Variants in TXNRD3 observed in about 807,000 individuals in gnomAD.
TXNRD3 encodes the protein TXNRD3 neighbor gene protein.
TXNRD3 carries 68 observed loss-of-function variants against 78.2 expected under a neutral mutation model. The ratio of observed to expected loss-of-function variants is 0.87; its 90% CI spans 0.72 to 1.06. TXNRD3 has a LOEUF of 1.06. TXNRD3 is among the 50% of genes least tolerant of loss of function. The probability of loss-of-function intolerance (pLI) is 0.00; values close to 1 mark genes in which losing one functional copy is unlikely to be tolerated. For missense variants in TXNRD3, 751 were observed against 809.5 expected (o/e 0.93, Z 0.88); for synonymous variants, 296 against 300.1 (o/e 0.99, Z 0.14).
chr3:126,638,194 C>T (rs1304814660), intron 6 of TXNRD3, among the ~76,000 whole-genome samples: 1 of 152,110 alleles, frequency 6.6e-6, no homozygotes, highest in Non-Finnish European at 1.5e-5. Context: ...CCGCCCGCCT[C>T]GGTCTCCCAA....
At position 126,611,037 on chromosome 3, in the gene TXNRD3, A is replaced by C; in HGVS notation, c.1728T>G (p.His576Gln). 6.7e-7 allele frequency: 1 copy of C among 1,499,046 alleles called. No individual in the cohort carries two copies. Among genetic ancestry groups the C allele is most frequent in the Non-Finnish European group, 8.9e-7 (1 of 1,125,124 alleles). 92.9% of individuals were successfully genotyped at this position (1,499,046 alleles called of 1,614,324 possible). ...TTTGGCTTCTAGTGGTATTACATAC[A>C]TGGTCGAATTTATTGCAGATTATCT... Residue 576 changes from histidine (H) to glutamine (Q), a missense_variant and splice_region_variant, in exon 14 of 16, where the codon CAT becomes CAG. Coordinates refer to ENST00000524230, the MANE Select transcript of TXNRD3 (RefSeq NM_052883.3).
chr3:126,642,594 GC>G (rs1047865252), intron 5 of TXNRD3, among the ~76,000 whole-genome samples: 9 of 152,202 alleles, frequency 5.9e-5, no homozygotes, highest in Non-Finnish European at 1.3e-4. Context: ...AAAACGGAGT[GC>G]CCCTTTGCAG....
chr3:126,652,474 G>T (rs768236879), intron 1 of TXNRD3, among the ~76,000 whole-genome samples: 10 of 152,206 alleles, frequency 6.6e-5, no homozygotes, highest in African/African-American at 2.2e-4. Context: ...AAATCTGACC[G>T]ATTTTCTACA....
intron 10 of TXNRD3, among the ~76,000 whole-genome samples, chr3:126,623,666 C>A (rs4021851): frequency 6.6e-6 from 1 of 151,776 alleles, no homozygotes; most frequent in Non-Finnish European, 1.5e-5. Context: ...TTAAAATCTT[C>A]GGAATAAAAG....
At chr3:126,643,882 G>T in intron 5 of TXNRD3, 99 bp downstream of exon 5, 2 of 1,178,304 alleles carry the variant, frequency 1.7e-6, no homozygotes, top group African/African-American at 1.5e-5. Context: ...AAACAGGCGA[G>T]TTATACCTCT....
At chr3:126,637,941 T>C (rs1289877658) in intron 6 of TXNRD3, among the ~76,000 whole-genome samples, 25 of 111,240 alleles carry the variant, frequency 2.2e-4, no homozygotes, top group Non-Finnish European at 3.4e-4. Context: ...TCTTTTTTTT[T>C]TTTTTTTTTT....
chr3:126,652,111 C>T (rs1157160333), intron 1 of TXNRD3, among the ~76,000 whole-genome samples: 2 of 152,102 alleles, frequency 1.3e-5, no homozygotes, highest in Non-Finnish European at 2.9e-5. Flanking sequence ...GTTCTGTAGA[C>T]TCTACAGGAA....
intron 10 of TXNRD3, among the ~76,000 whole-genome samples, chr3:126,626,912 G>A (rs553559832): frequency 1.3e-5 from 2 of 152,036 alleles, no homozygotes; most frequent in Admixed American, 6.5e-5. Flanking sequence ...ACAACACAGT[G>A]AGACCCCAAC....
At position 126,621,902 on chromosome 3, in the gene TXNRD3, T is replaced by C. The variant is rs1349954528; in HGVS notation, c.1368-4A>G. The stretch of plus-strand genomic sequence containing the variant: ...ATTTACAGGTATTTTTCCACTCCTA[T>C]TAGTTTTTGAAATGGGAAAAAATAT... On this transcript the variant is annotated splice_region_variant and splice_polypyrimidine_tract_variant and intron_variant, in intron 11 of 15. Coordinates refer to ENST00000524230, the MANE Select transcript of TXNRD3 (RefSeq NM_052883.3). 35 of 1,498,364 alleles carry C rather than the reference T, an allele frequency of 2.3e-5. No individual in the cohort carries two copies. Among genetic ancestry groups the C allele is most frequent in the Non-Finnish European group, 3.0e-5 (34 of 1,132,764 alleles). The allele number at this position is 1,498,364 out of a possible 1,614,324, so 92.8% of individuals were successfully genotyped here. A position where few individuals can be genotyped will look rare whatever the true frequency, so the allele number is the denominator to read the frequency against.
chr3:126,609,084 C>A, intron 14 of TXNRD3: 1 of 361,832 alleles, frequency 2.8e-6, no homozygotes, highest in South Asian at 2.1e-5. Flanking sequence ...TGGTGCAGGG[C>A]TGTCACCCAG....
intron 5 of TXNRD3, among the ~76,000 whole-genome samples, chr3:126,643,372 C>T (rs1030195217): frequency 2.6e-5 from 4 of 152,220 alleles, no homozygotes; most frequent in Non-Finnish European, 5.9e-5. Context: ...CTCTAGTCTA[C>T]AGTAGACAGC....
At chr3:126,612,416 C>G (rs987076177) in intron 13 of TXNRD3, among the ~76,000 whole-genome samples, 2 of 152,114 alleles carry the variant, frequency 1.3e-5, no homozygotes, top group Admixed American at 6.5e-5. Context: ...TTAGGATACA[C>G]TTTCCTAAAA....
At position 126,607,824 on chromosome 3, in the gene TXNRD3, G is replaced by T; in HGVS notation, c.*81C>A. ...CTGAGTAACAGAGCAGCTGTCATGA[G>T]CACAGGCTCATTTTATCCGAGAGCA... On this transcript the variant is annotated 3_prime_UTR_variant, in exon 16 of 16. Transcript: ENST00000524230. The T allele has an allele frequency of 8.2e-7, 1 of 1,222,206 alleles. No homozygotes were observed. Among genetic ancestry groups the T allele is most frequent in the South Asian group, 1.6e-5 (1 of 64,360 alleles). 75.7% of individuals were successfully genotyped at this position (1,222,206 alleles called of 1,614,324 possible).
At position 126,654,824 on chromosome 3, in the gene TXNRD3, C is replaced by T; in HGVS notation, c.167G>A (p.Arg56His). The T allele has an allele frequency of 7.1e-7, 1 of 1,402,868 alleles. No individual in the cohort carries two copies. Among genetic ancestry groups the T allele is most frequent in the South Asian group, 1.5e-5 (1 of 66,544 alleles). The allele number at this position is 1,402,868 out of a possible 1,614,324, so 86.9% of individuals were successfully genotyped here. A position where few individuals can be genotyped will look rare whatever the true frequency, so the allele number is the denominator to read the frequency against. ...CTCGATGAGGCCCACGAGGTGGCGGCGCAGCTCCTCGCGGGCCTCGGACGA... is the reference window on the plus strand; with the variant it reads ...CTCGATGAGGCCCACGAGGTGGCGGTGCAGCTCCTCGCGGGCCTCGGACGA... Residue 56 changes from arginine (R) to histidine (H), a missense_variant, in exon 1 of 16, where the codon CGC (arginine) becomes CAC (histidine). Physicochemically the swap from Arg to His is conservative, Grantham distance 29. Transcript: ENST00000524230.
chr3:126,617,008 T>G (rs1337727444), intron 12 of TXNRD3, among the ~76,000 whole-genome samples: 1 of 152,158 alleles, frequency 6.6e-6, no homozygotes, highest in African/African-American at 2.4e-5. Flanking sequence ...TGCCGATCCA[T>G]TTATTGACTG....
chr3:126,611,055 G>C lies in TXNRD3; in HGVS notation c.1710C>G (p.Ile570Met). 5 of 1,518,814 alleles carry C rather than the reference G, an allele frequency of 3.3e-6. No individual in the cohort carries two copies. Among genetic ancestry groups the C allele is most frequent in the Non-Finnish European group, 4.4e-6 (5 of 1,137,588 alleles). 94.1% of individuals were successfully genotyped at this position (1,518,814 alleles called of 1,614,324 possible). Residue 570 changes from isoleucine to methionine, a missense_variant, in exon 14 of 16, where the codon ATC (isoleucine) becomes ATG (methionine). Physicochemically the swap from Ile to Met is conservative, Grantham distance 10. Coordinates refer to ENST00000524230, the MANE Select transcript of TXNRD3 (RefSeq NM_052883.3). ...TACATACATGGTCGAATTTATTGCAGATTATCTTTGCATAACAAGTGTTGT... is the reference window on the plus strand; with the variant it reads ...TACATACATGGTCGAATTTATTGCACATTATCTTTGCATAACAAGTGTTGT...
chr3:126,635,854 C>A (rs1470324387), intron 6 of TXNRD3, among the ~76,000 whole-genome samples: 7 of 152,036 alleles, frequency 4.6e-5, no homozygotes, highest in Non-Finnish European at 1.0e-4. Flanking sequence ...TTACACACAT[C>A]ACACATACAT....
chr3:126,653,629 C>T (rs1301415946), intron 1 of TXNRD3, among the ~76,000 whole-genome samples: 1 of 152,234 alleles, frequency 6.6e-6, no homozygotes, highest in East Asian at 1.9e-4. Flanking sequence ...TACTTGGAAA[C>T]TCAGTTGGGC....
intron 2 of TXNRD3, among the ~76,000 whole-genome samples, chr3:126,646,547 G>T (rs2107628050): frequency 6.6e-6 from 1 of 152,274 alleles, no homozygotes; most frequent in East Asian, 1.9e-4. Context: ...CAATAACCCA[G>T]AAAATACTTC....
Sources: gnomAD v4.1 joint callset for allele counts (sites outside exome capture counted in the v4.1 genomes callset) on GRCh38, gnomAD v4.1.1 for gene constraint, MANE v1.5 for transcripts, NCBI Gene and HGNC (gene_info 2026-07-23, HGNC 2026-07-21) for gene names.